Variants in SEMA3A observed in about 807,000 individuals in gnomAD.
SEMA3A encodes semaphorin 3A.
SEMA3A carries 29 observed loss-of-function variants against 97.9 expected under a neutral mutation model. That is an observed-to-expected ratio of 0.30 (90% CI 0.22 to 0.40). The LOEUF (loss-of-function observed/expected upper bound fraction) is 0.40. Among genes scored for constraint, SEMA3A ranks in the 10% least tolerant of loss-of-function variants. SEMA3A has a pLI of 1.00. For missense variants in SEMA3A, 763 were observed against 951.3 expected (o/e 0.80, Z 2.60); for synonymous variants, 321 against 323.7 (o/e 0.99, Z 0.09).
chr7:84,202,233 C>G (rs1584119789), intron 3 of SEMA3A, among the ~76,000 whole-genome samples: 1 of 152,022 alleles, frequency 6.6e-6, no homozygotes, highest in East Asian at 1.9e-4. Context: ...AGTGTTCTCA[C>G]CACAAAAGTG....
intron 2 of SEMA3A, among the ~76,000 whole-genome samples, chr7:84,366,781 A>G (rs1802858186): frequency 6.6e-6 from 1 of 151,392 alleles, no homozygotes; most frequent in African/African-American, 2.4e-5. Context: ...TCATTTTCTG[A>G]GGTGTTTTAA....
chr7:84,040,422 T>C (rs776061255), intron 6 of SEMA3A, among the ~76,000 whole-genome samples: 9 of 152,080 alleles, frequency 5.9e-5, no homozygotes, highest in Non-Finnish European at 1.2e-4. Flanking sequence ...CTTCAATAGT[T>C]GAGCAAGCCA....
intron 4 of SEMA3A, among the ~76,000 whole-genome samples, chr7:84,062,663 G>A (rs927565844): frequency 6.6e-6 from 1 of 152,170 alleles, no homozygotes; most frequent in Non-Finnish European, 1.5e-5. Context: ...GTGACAGACG[G>A]CACCTGGAAA....
Position 84,218,153 on chromosome 7 carries a change from T to C in SEMA3A, c.-82-23485A>G, listed in dbSNP as rs112274648. Reference sequence around the variant, plus strand: ...ATAGTAGAATTTCAGATAAATGGTATATTTTGTTTCTAAATTGTTTATATT... The same window carrying C: ...ATAGTAGAATTTCAGATAAATGGTACATTTTGTTTCTAAATTGTTTATATT... On this transcript the variant is annotated intron_variant, in intron 3 of 3. Transcript: ENST00000424555. 2.5e-3 allele frequency among the ~76,000 whole-genome samples: 384 copies of C among 152,244 alleles called. 1 individual carries two copies. Among genetic ancestry groups the C allele is most frequent in the African/African-American group, 8.9e-3 (368 of 41,556 alleles).
At chr7:84,414,020 C>T (rs1804355616) in intron 1 of SEMA3A, among the ~76,000 whole-genome samples, 1 of 152,136 alleles carries the variant, frequency 6.6e-6, no homozygotes, top group Non-Finnish European at 1.5e-5. Context: ...ACATATACTG[C>T]TTCACCGTAA....
rs185888649 is a variant in SEMA3A, at chr7:84,100,613, T to C, written c.453+9857A>G. On this transcript the variant is annotated intron_variant, in intron 4 of 16. Coordinates refer to ENST00000265362, the MANE Select transcript of SEMA3A (RefSeq NM_006080.3). The stretch of plus-strand genomic sequence containing the variant: ...TGTCTTTACCAACACCGAAGTTAGA[T>C]TTTTGTTTCTATGTGAGCCCTTTGA... Among the ~76,000 whole-genome samples the C allele has an allele frequency of 1.4e-3, 217 of 152,308 alleles. 3 individuals carry two copies. The highest frequency in any genetic ancestry group is 2.1e-3 in the Non-Finnish European group (146 of 68,024).
intron 1 of SEMA3A, among the ~76,000 whole-genome samples, chr7:84,421,457 T>G (rs1804590391): frequency 2.0e-5 from 3 of 152,070 alleles, no homozygotes; most frequent in African/African-American, 7.2e-5. Context: ...ACGGTAACTG[T>G]AGAAGTAAAT....
chr7:84,263,566 A>G (rs1349714721), intron 3 of SEMA3A, among the ~76,000 whole-genome samples: 1 of 152,246 alleles, frequency 6.6e-6, no homozygotes, highest in African/African-American at 2.4e-5. Context: ...CAGTTTATAT[A>G]CATAAATCAT....
At chr7:84,289,183 GA>G (rs1158923142) in intron 3 of SEMA3A, among the ~76,000 whole-genome samples, 3 of 152,212 alleles carry the variant, frequency 2.0e-5, no homozygotes, top group Middle Eastern at 6.8e-3. Flanking sequence ...TGGAATTAGA[GA>G]GTAGAATAGT....
intron 13 of SEMA3A, among the ~76,000 whole-genome samples, chr7:83,982,549 C>T (rs1371669056): frequency 6.6e-6 from 1 of 152,004 alleles, no homozygotes; most frequent in African/African-American, 2.4e-5. Context: ...CTAGAGGATT[C>T]AATAATTATA....
At chr7:84,048,366 G>A (rs909536489) in intron 5 of SEMA3A, among the ~76,000 whole-genome samples, 37 of 151,810 alleles carry the variant, frequency 2.4e-4, no homozygotes, top group African/African-American at 8.9e-4. Context: ...ATACATAAAT[G>A]CCTATTGTCT....
intron 1 of SEMA3A, among the ~76,000 whole-genome samples, chr7:84,158,248 A>G (rs1796913987): frequency 7.7e-6 from 1 of 130,382 alleles, no homozygotes; most frequent in East Asian, 2.4e-4. Flanking sequence ...TCCGCCTCCC[A>G]GGTTCAAGTG....
intron 1 of SEMA3A, among the ~76,000 whole-genome samples, chr7:84,376,145 A>G (rs1049256683): frequency 1.7e-4 from 26 of 152,332 alleles, no homozygotes; most frequent in African/African-American, 5.5e-4. Flanking sequence ...TGAATAGTGC[A>G]GTAATAAACA....
At chr7:84,146,699 G>A (rs1215427026) in intron 1 of SEMA3A, among the ~76,000 whole-genome samples, 1 of 152,150 alleles carries the variant, frequency 6.6e-6, no homozygotes, top group Non-Finnish European at 1.5e-5. Flanking sequence ...TGTGTGAGAT[G>A]ATTAGTCAGT....
intron 2 of SEMA3A, among the ~76,000 whole-genome samples, chr7:84,133,910 A>G (rs1251381791): frequency 6.7e-6 from 1 of 149,458 alleles, no homozygotes; most frequent in Non-Finnish European, 1.5e-5. Context: ...AAAAAAAAAA[A>G]AATTAGCCGG....
intron 10 of SEMA3A, 27 bp from the exon 11 acceptor site, chr7:84,005,585 T>TTTGA (rs1790633692): frequency 6.9e-7 from 1 of 1,443,134 alleles, no homozygotes; most frequent in Non-Finnish European, 9.6e-7. Context: ...AAAATTATCT[T>TTTGA]TTGATTAAAA....
At chr7:84,182,656 A>G (rs34406409) in intron 1 of SEMA3A, among the ~76,000 whole-genome samples, 9,646 of 152,140 alleles carry the variant, frequency 0.063, 356 homozygotes, top group African/African-American at 0.094. Flanking sequence ...ACTTAAAACA[A>G]TTACACAAAT....
intron 6 of SEMA3A, among the ~76,000 whole-genome samples, chr7:84,015,635 G>T (rs1015267061): frequency 6.6e-6 from 1 of 152,106 alleles, no homozygotes; most frequent in Non-Finnish European, 1.5e-5. Context: ...ACACGTACAG[G>T]TCAGCACCAT....
chr7:84,374,353 T>C lies in SEMA3A; in HGVS notation c.-245-2453A>G, dbSNP rs544927009. 5.9e-5 allele frequency among the ~76,000 whole-genome samples: 9 copies of C among 152,336 alleles called. No individual in the cohort carries two copies. In the South Asian group the frequency reaches 1.7e-3, roughly 28 times the overall value. The stretch of plus-strand genomic sequence containing the variant: ...GATAATAGTGGAAGTAGAAAACTTG[T>C]ATGTCCATCGAAAAATATATTTAAG... On this transcript the variant is annotated intron_variant, in intron 1 of 3. Transcript: ENST00000424555.
Sources: gnomAD v4.1 joint callset for allele counts (sites outside exome capture counted in the v4.1 genomes callset) on GRCh38, gnomAD v4.1.1 for gene constraint, MANE v1.5 for transcripts, NCBI Gene and HGNC (gene_info 2026-07-23, HGNC 2026-07-21) for gene names.